Variants in SIPA1L3 observed in about 807,000 individuals in gnomAD.
The protein encoded by SIPA1L3 is signal-induced proliferation-associated 1-like protein 3.
Under a neutral mutation model 150.1 loss-of-function variants are expected in SIPA1L3, and 59 were observed. The ratio of observed to expected loss-of-function variants is 0.39; its 90% CI spans 0.32 to 0.49. The LOEUF is 0.49. Among genes scored for constraint, SIPA1L3 ranks in the 20% least tolerant of loss-of-function variants. The probability of loss-of-function intolerance (pLI) is 0.86; values close to 1 mark genes in which losing one functional copy is unlikely to be tolerated. For missense variants in SIPA1L3, 2,211 were observed against 2,489.5 expected (o/e 0.89, Z 2.38); for synonymous variants, 1,070 against 1,077.6 (o/e 0.99, Z 0.14).
intron 1 of SIPA1L3, among the ~76,000 whole-genome samples, chr19:38,012,104 T>G (rs1377445629): frequency 6.7e-6 from 1 of 149,788 alleles, no homozygotes. Context: ...TTTTTTTTTT[T>G]GAGACAGGGT....
At chr19:38,069,796 C>G (rs947973447) in intron 2 of SIPA1L3, among the ~76,000 whole-genome samples, 1 of 151,664 alleles carries the variant, frequency 6.6e-6, no homozygotes, top group African/African-American at 2.4e-5. Flanking sequence ...TCCCAAGTAG[C>G]TGGGACCACA....
At chr19:38,187,195 T>A (rs1255532544) in intron 16 of SIPA1L3, among the ~76,000 whole-genome samples, 3 of 151,778 alleles carry the variant, frequency 2.0e-5, no homozygotes, top group Non-Finnish European at 2.9e-5. Context: ...CTCACGCCTA[T>A]AATCCCAGCA....
intron 2 of SIPA1L3, among the ~76,000 whole-genome samples, chr19:38,036,490 G>A (rs1968790807): frequency 6.6e-6 from 1 of 152,184 alleles, no homozygotes; most frequent in Non-Finnish European, 1.5e-5. Context: ...CATTTCATCT[G>A]CCCCCTCAGG....
intron 15 of SIPA1L3, among the ~76,000 whole-genome samples, chr19:38,170,540 A>C (rs748274910): frequency 1.3e-5 from 2 of 151,790 alleles, no homozygotes; most frequent in Non-Finnish European, 2.9e-5. Flanking sequence ...CCTCCACAGC[A>C]CTCTGTGGCA....
intron 13 of SIPA1L3, among the ~76,000 whole-genome samples, chr19:38,154,594 T>C (rs1212134161): frequency 1.3e-5 from 2 of 152,022 alleles, no homozygotes; most frequent in African/African-American, 4.8e-5. Flanking sequence ...ACTACAGACA[T>C]GCGCCACCAC....
At chr19:38,007,595 TTTATTA>T (rs759062297) in intron 1 of SIPA1L3, among the ~76,000 whole-genome samples, 7 of 151,522 alleles carry the variant, frequency 4.6e-5, no homozygotes, top group South Asian at 4.2e-4. Flanking sequence ...CTCTTCATTA[TTTATTA>T]TTATTATTAT....
At chr19:37,940,222 A>C (rs1308735780) in intron 1 of SIPA1L3, among the ~76,000 whole-genome samples, 1 of 151,806 alleles carries the variant, frequency 6.6e-6, no homozygotes, top group Non-Finnish European at 1.5e-5. Context: ...TCAAGGCTGC[A>C]GTGAGCCGAG....
At chr19:37,970,976 C>T (rs78855250) in intron 1 of SIPA1L3, among the ~76,000 whole-genome samples, 2 of 152,240 alleles carry the variant, frequency 1.3e-5, no homozygotes, top group East Asian at 3.9e-4. Flanking sequence ...CCATTATTGC[C>T]ATGTGTGCAG....
At chr19:38,114,678 A>G (rs965022127) in intron 8 of SIPA1L3, among the ~76,000 whole-genome samples, 4 of 152,190 alleles carry the variant, frequency 2.6e-5, no homozygotes, top group African/African-American at 9.7e-5. Flanking sequence ...CTTGGTAGAA[A>G]CCTGTTTCGT....
At chr19:37,920,309 T>C (rs1380529688) in intron 1 of SIPA1L3, among the ~76,000 whole-genome samples, 7 of 151,964 alleles carry the variant, frequency 4.6e-5, no homozygotes, top group Non-Finnish European at 1.0e-4. Flanking sequence ...TCTTCCCTTT[T>C]TCCTCCCAAA....
intron 2 of SIPA1L3, among the ~76,000 whole-genome samples, chr19:38,035,426 G>A (rs1175736660): frequency 1.3e-5 from 2 of 152,154 alleles, no homozygotes; most frequent in Non-Finnish European, 2.9e-5. Flanking sequence ...GGGAAGCCAC[G>A]GGGCTGTGGG....
chr19:38,125,796 T>C (rs1176388107), intron 9 of SIPA1L3, among the ~76,000 whole-genome samples: 7 of 152,330 alleles, frequency 4.6e-5, no homozygotes, highest in East Asian at 1.9e-4. Context: ...CGCCTGGCCT[T>C]GGCCTGGCCA....
At chr19:38,078,414 GC>G (rs1479081710) in intron 2 of SIPA1L3, among the ~76,000 whole-genome samples, 2 of 149,376 alleles carry the variant, frequency 1.3e-5, no homozygotes, top group Non-Finnish European at 3.0e-5. Context: ...ATTAGGAAAA[GC>G]CCCCCTACAC....
At chr19:38,140,243 C>T (rs796349989) in intron 10 of SIPA1L3, among the ~76,000 whole-genome samples, 4 of 152,332 alleles carry the variant, frequency 2.6e-5, no homozygotes, top group African/African-American at 9.6e-5. Context: ...CTCGGGGACC[C>T]CTCCCATGCA....
intron 1 of SIPA1L3, among the ~76,000 whole-genome samples, chr19:37,955,845 G>A (rs781420009): frequency 3.3e-5 from 5 of 152,208 alleles, no homozygotes; most frequent in Non-Finnish European, 7.4e-5. Context: ...GGGCTAGTAT[G>A]AGTAGTGCTG....
At chr19:37,997,445 G>A (rs928616156) in intron 1 of SIPA1L3, among the ~76,000 whole-genome samples, 4 of 151,482 alleles carry the variant, frequency 2.6e-5, no homozygotes, top group Admixed American at 6.6e-5. Flanking sequence ...GCATATGCCT[G>A]TAGTCTCAGC....
intron 10 of SIPA1L3, among the ~76,000 whole-genome samples, chr19:38,135,510 C>T (rs1440633648): frequency 6.6e-6 from 1 of 152,208 alleles, no homozygotes; most frequent in Non-Finnish European, 1.5e-5. Flanking sequence ...CACACTCCCA[C>T]GGGTGCACAC....
chr19:38,031,550 C>A lies in SIPA1L3; in HGVS notation c.-311+2394C>A, dbSNP rs1275343248. Reference sequence around the variant, plus strand: ...GATTGAGGTTATTCATTATTTGGAACAGTGCCACACAGGCAGCATGCCCTT... The same window carrying A: ...GATTGAGGTTATTCATTATTTGGAAAAGTGCCACACAGGCAGCATGCCCTT... On this transcript the variant is annotated intron_variant, in intron 2 of 21. Coordinates refer to ENST00000222345, the MANE Select transcript of SIPA1L3 (RefSeq NM_015073.3). Among the ~76,000 whole-genome samples, 6 of 152,296 alleles carry A rather than the reference C, an allele frequency of 3.9e-5. No individual in the cohort carries two copies. In the East Asian group the frequency reaches 9.6e-4, roughly 24 times the overall value.
chr19:38,082,685 GC>G lies in SIPA1L3; in HGVS notation c.1122del (p.Ala375LeufsTer31), dbSNP rs1970028776. ...QRRNTTTGAS[A>X]ASAASAMASL... ...GCGGAACACCACCACGGGTGCTTCGGCCGCTTCCGCCGCCTCGGCCATGGCC... is the reference window on the plus strand; with the variant it reads ...GCGGAACACCACCACGGGTGCTTCGGCGCTTCCGCCGCCTCGGCCATGGCC... On this transcript the variant is annotated frameshift_variant, in exon 3 of 22. Transcript: ENST00000222345. LOFTEE classifies it high-confidence loss of function. 1 of 1,608,700 alleles carries G rather than the reference GC, an allele frequency of 6.2e-7. No homozygotes were observed.
Sources: gnomAD v4.1 joint callset for allele counts (sites outside exome capture counted in the v4.1 genomes callset) on GRCh38, gnomAD v4.1.1 for gene constraint, MANE v1.5 for transcripts, NCBI Gene and HGNC (gene_info 2026-07-23, HGNC 2026-07-21) for gene names.